Variants in SH3RF3 observed in about 807,000 individuals in gnomAD.
The protein encoded by SH3RF3 is E3 ubiquitin-protein ligase SH3RF3.
SH3RF3 carries 29 observed loss-of-function variants against 66.3 expected under a neutral mutation model. The ratio of observed to expected loss-of-function variants is 0.44; its 90% confidence interval spans 0.33 to 0.60. The LOEUF is 0.60. SH3RF3 is among the 20% of genes least tolerant of loss of function. The pLI is 0.04. For missense variants in SH3RF3, 1,194 were observed against 1,190.9 expected, an observed-to-expected ratio of 1.00 and a Z score of -0.04; for synonymous variants, 583 against 532.0, an observed-to-expected ratio of 1.10 and a Z score of -1.32.
intron 8 of SH3RF3, among the ~76,000 whole-genome samples, chr2:109,483,939 C>G (rs1171016794): frequency 6.6e-6 from 1 of 152,178 alleles, no homozygotes. Flanking sequence ...TCAAGCCCCC[C>G]ACAACCCCCG....
intron 8 of SH3RF3, among the ~76,000 whole-genome samples, chr2:109,470,749 G>A (rs1009441458): frequency 1.3e-5 from 2 of 152,186 alleles, no homozygotes; most frequent in East Asian, 1.9e-4. Flanking sequence ...TAGAGGCCTC[G>A]GCTCAGCCAC....
chr2:109,495,833 A>T (rs1679244988), intron 9 of SH3RF3, among the ~76,000 whole-genome samples: 1 of 152,176 alleles, frequency 6.6e-6, no homozygotes, highest in Non-Finnish European at 1.5e-5. Context: ...CATACATAAA[A>T]TGGGGATAAT....
intron 1 of SH3RF3, among the ~76,000 whole-genome samples, chr2:109,296,784 G>A (rs1681320135): frequency 6.6e-6 from 1 of 152,116 alleles, no homozygotes; most frequent in Non-Finnish European, 1.5e-5. Flanking sequence ...GTGGGAATAG[G>A]CAGTGGTCAG....
At chr2:109,201,268 T>C (rs994823370) in intron 1 of SH3RF3, among the ~76,000 whole-genome samples, 1 of 152,358 alleles carries the variant, frequency 6.6e-6, no homozygotes, top group Admixed American at 6.5e-5. Flanking sequence ...TTGCTGGCCT[T>C]GTATTTGAAG....
intron 1 of SH3RF3, among the ~76,000 whole-genome samples, chr2:109,230,328 C>T (rs1041707363): frequency 6.6e-6 from 1 of 152,134 alleles, no homozygotes; most frequent in Non-Finnish European, 1.5e-5. Context: ...GTAAACCCAG[C>T]ACTTCCGAGA....
intron 2 of SH3RF3, among the ~76,000 whole-genome samples, chr2:109,367,218 C>A (rs188732919): frequency 1.3e-5 from 2 of 151,530 alleles, no homozygotes; most frequent in African/African-American, 4.8e-5. Context: ...CCTACTTCGG[C>A]CTACCAAAGA....
chr2:109,279,977 T>C (rs1416796194), intron 1 of SH3RF3, among the ~76,000 whole-genome samples: 1 of 152,088 alleles, frequency 6.6e-6, no homozygotes, highest in Non-Finnish European at 1.5e-5. Flanking sequence ...ACACACCCCC[T>C]GGGCCACGGT....
At position 109,397,768 on chromosome 2, in the gene SH3RF3, G is replaced by A. The variant is rs114148923; in HGVS notation, c.946-822G>A. ...TCCAGGTGATGCCGCAGCCCTGAGA[G>A]GAAGGATGTGGCTTAGCCGGCCAGG... On this transcript the variant is annotated intron_variant, in intron 3 of 9. Transcript: ENST00000309415. Among the ~76,000 whole-genome samples, 586 of 152,344 alleles carry A rather than the reference G, an allele frequency of 3.8e-3. 1 individual carries two copies. The highest frequency in any genetic ancestry group is 0.014 in the African/African-American group (567 of 41,584).
At chr2:109,381,332 C>T (rs2104379948) in intron 3 of SH3RF3, among the ~76,000 whole-genome samples, 1 of 152,338 alleles carries the variant, frequency 6.6e-6, no homozygotes, top group Admixed American at 6.5e-5. Context: ...TCTCCTGTCA[C>T]TCATATGGAC....
chr2:109,328,914 T>C lies in SH3RF3; in HGVS notation c.574-18760T>C, dbSNP rs140102679. Among the ~76,000 whole-genome samples the C allele has an allele frequency of 2.6e-5, 4 of 152,290 alleles. No individual in the cohort carries two copies. The East Asian group carries it at 7.7e-4, about 29-fold the overall frequency. On this transcript the variant is annotated intron_variant, in intron 1 of 9. Transcript: ENST00000309415. The stretch of plus-strand genomic sequence containing the variant: ...CCATGCTCTGAGCAGGGCTGAGAGC[T>C]GAGGCTTCCCTGGGGTTGTTAACGG...
intron 1 of SH3RF3, among the ~76,000 whole-genome samples, chr2:109,269,472 C>T (rs907648075): frequency 2.0e-5 from 3 of 152,150 alleles, no homozygotes; most frequent in Non-Finnish European, 2.9e-5. Flanking sequence ...CTTTAAGCAC[C>T]AGGTAGTGCT....
At chr2:109,326,927 G>A (rs1239279681) in intron 1 of SH3RF3, among the ~76,000 whole-genome samples, 1 of 152,200 alleles carries the variant, frequency 6.6e-6, no homozygotes, top group African/African-American at 2.4e-5. Flanking sequence ...CTACCATTCG[G>A]TTCCAGTTCA....
chr2:109,162,950 A>G (rs1677524059), intron 1 of SH3RF3, among the ~76,000 whole-genome samples: 1 of 152,150 alleles, frequency 6.6e-6, no homozygotes, highest in Admixed American at 6.5e-5. Flanking sequence ...AGATAGCTGA[A>G]ATTGTCACCT....
At position 109,397,655 on chromosome 2, in the gene SH3RF3, G is replaced by A. The variant is rs116327914; in HGVS notation, c.946-935G>A. Reference sequence around the variant, plus strand: ...GAGGCCCTGAGGACCAGCCCAGGGAGCCTTTTCTCACAGCTGGTACCTCCC... The same window carrying A: ...GAGGCCCTGAGGACCAGCCCAGGGAACCTTTTCTCACAGCTGGTACCTCCC... On this transcript the variant is annotated intron_variant, in intron 3 of 9. Coordinates refer to ENST00000309415, the MANE Select transcript of SH3RF3 (RefSeq NM_001099289.3). Among the ~76,000 whole-genome samples, 1,076 of 152,282 alleles carry A rather than the reference G, an allele frequency of 7.1e-3. 10 individuals are homozygous for A. Among genetic ancestry groups the A allele is most frequent in the African/African-American group, 0.025 (1,030 of 41,562 alleles).
chr2:109,129,494 C>A lies in SH3RF3; in HGVS notation c.-47C>A. The A allele has an allele frequency of 1.3e-6, 2 of 1,494,808 alleles. No homozygotes were observed. The highest frequency in any genetic ancestry group is 2.1e-5 in the Admixed American group (1 of 47,366). 92.6% of individuals were successfully genotyped at this position (1,494,808 alleles called of 1,614,324 possible). A position where few individuals can be genotyped will look rare whatever the true frequency, so the allele number is the denominator to read the frequency against. On this transcript the variant is annotated 5_prime_UTR_variant, in exon 1 of 10. Coordinates refer to ENST00000309415, the MANE Select transcript of SH3RF3 (RefSeq NM_001099289.3). ...CTGCCGGTGGCGGGCTCCACGCCGGCCCCGGGACCTAGGCAGCCGCGCGAG... is the reference window on the plus strand; with the variant it reads ...CTGCCGGTGGCGGGCTCCACGCCGGACCCGGGACCTAGGCAGCCGCGCGAG...
At chr2:109,179,224 C>T (rs184228949) in intron 1 of SH3RF3, among the ~76,000 whole-genome samples, 284 of 152,264 alleles carry the variant, frequency 1.9e-3, no homozygotes, top group Non-Finnish European at 3.5e-3. Context: ...GGTTCTACTT[C>T]CTGTTCTGAC....
chr2:109,465,036 T>G (rs1388314421), intron 8 of SH3RF3, among the ~76,000 whole-genome samples: 1 of 152,248 alleles, frequency 6.6e-6, no homozygotes, highest in Non-Finnish European at 1.5e-5. Flanking sequence ...AGATTTGCCT[T>G]TTCTAGATTG....
chr2:109,404,643 C>T (rs1676408045), intron 4 of SH3RF3, among the ~76,000 whole-genome samples: 2 of 152,144 alleles, frequency 1.3e-5, no homozygotes, highest in South Asian at 2.1e-4. Context: ...CCCAGGCTGG[C>T]GGCCAAGCAG....
chr2:109,319,995 T>A (rs1574571575), intron 1 of SH3RF3, among the ~76,000 whole-genome samples: 1 of 151,640 alleles, frequency 6.6e-6, no homozygotes, highest in Non-Finnish European at 1.5e-5. Context: ...GAGTGGGGGG[T>A]GCTATTCTGG....
Sources: gnomAD v4.1 joint callset for allele counts (sites outside exome capture counted in the v4.1 genomes callset) on GRCh38, gnomAD v4.1.1 for gene constraint, MANE v1.5 for transcripts, NCBI Gene and HGNC (gene_info 2026-07-23, HGNC 2026-07-21) for gene names.